The following UNC5C variants were observed in gnomAD, a reference collection of about 807,000 sequenced individuals.
The protein encoded by UNC5C is unc-5 netrin receptor C.
UNC5C carries 47 observed loss-of-function variants against 99.8 expected under a neutral mutation model. That is an observed-to-expected ratio of 0.47 (90% CI 0.37 to 0.60). The LOEUF is 0.60. Ranked by LOEUF, UNC5C falls within the 20% of genes least tolerant of loss-of-function variation. UNC5C has a pLI of 0.00. For missense variants in UNC5C, 1,062 were observed against 1,165.9 expected, an observed-to-expected ratio of 0.91 and a Z score of 1.30; for synonymous variants, 487 against 452.2, an observed-to-expected ratio of 1.08 and a Z score of -0.98.
chr4:95,286,708 T>C (rs1411798664), intron 3 of UNC5C, among the ~76,000 whole-genome samples: 3 of 152,200 alleles, frequency 2.0e-5, no homozygotes, highest in Non-Finnish European at 4.4e-5. Flanking sequence ...CTTTTGTTTC[T>C]AACTTTTAAT....
chr4:95,179,724 G>A (rs1443723774), intron 14 of UNC5C, among the ~76,000 whole-genome samples: 2 of 134,416 alleles, frequency 1.5e-5, no homozygotes, highest in African/African-American at 5.3e-5. Context: ...TCCAGCCTGG[G>A]CCACAGAGCA....
intron 15 of UNC5C, among the ~76,000 whole-genome samples, chr4:95,169,630 A>G (rs570995784): frequency 6.6e-6 from 1 of 152,278 alleles, no homozygotes; most frequent in South Asian, 2.1e-4. Flanking sequence ...AAGAGACAAG[A>G]TGTCTATGGG....
At chr4:95,190,380 A>G (rs913084320) in intron 12 of UNC5C, among the ~76,000 whole-genome samples, 20 of 152,278 alleles carry the variant, frequency 1.3e-4, no homozygotes, top group African/African-American at 4.6e-4. Flanking sequence ...TAGGAGATAT[A>G]CCTAATGTAA....
chr4:95,472,858 T>G (rs538762864), intron 1 of UNC5C, among the ~76,000 whole-genome samples: 6 of 152,172 alleles, frequency 3.9e-5, no homozygotes, highest in Admixed American at 3.9e-4. Context: ...ATCTGTCTCA[T>G]TAATGTAATT....
chr4:95,406,574 T>C (rs1745837581), intron 1 of UNC5C, among the ~76,000 whole-genome samples: 1 of 152,172 alleles, frequency 6.6e-6, no homozygotes, highest in Admixed American at 6.5e-5. Context: ...AATTTATCAG[T>C]ACATGGCAAA....
chr4:95,448,221 T>TGAGAGAGAGAGAGAGA (rs1284671236), intron 1 of UNC5C, among the ~76,000 whole-genome samples: 16 of 111,338 alleles, frequency 1.4e-4, no homozygotes, highest in Admixed American at 5.2e-4. Flanking sequence ...TGTGTGTGTG[T>TGAGAGAGAGAGAGAGA]GTGTGTGAGA....
chr4:95,487,105 C>T (rs894693360), intron 1 of UNC5C, among the ~76,000 whole-genome samples: 1 of 151,654 alleles, frequency 6.6e-6, no homozygotes, highest in Non-Finnish European at 1.5e-5. Flanking sequence ...AACCATGAGG[C>T]AATAAATTCA....
At chr4:95,377,448 C>A (rs1007969202) in intron 1 of UNC5C, among the ~76,000 whole-genome samples, 12 of 152,032 alleles carry the variant, frequency 7.9e-5, no homozygotes, top group African/African-American at 2.9e-4. Context: ...GATAAAAATC[C>A]CTCTAATTGG....
At chr4:95,280,994 A>G (rs888544692) in intron 3 of UNC5C, among the ~76,000 whole-genome samples, 1 of 152,204 alleles carries the variant, frequency 6.6e-6, no homozygotes, top group African/African-American at 2.4e-5. Context: ...GCACTGAGAT[A>G]AAATTTGATG....
chr4:95,203,881 G>A (rs1284774493), intron 11 of UNC5C, among the ~76,000 whole-genome samples: 3 of 152,192 alleles, frequency 2.0e-5, no homozygotes, highest in Non-Finnish European at 4.4e-5. Flanking sequence ...TAGATCATGT[G>A]AGCAGTTGTT....
At chr4:95,512,982 C>T (rs766822273) in intron 1 of UNC5C, among the ~76,000 whole-genome samples, 10 of 152,018 alleles carry the variant, frequency 6.6e-5, no homozygotes, top group African/African-American at 9.7e-5. Flanking sequence ...CGTGCATTAC[C>T]GCCTGCAAAG....
At chr4:95,262,409 C>T (rs1257181939) in intron 4 of UNC5C, among the ~76,000 whole-genome samples, 1 of 152,124 alleles carries the variant, frequency 6.6e-6, no homozygotes. Context: ...AGAAGGTTCT[C>T]AGTATTTGAA....
rs561332954 is a variant in UNC5C at position 95,333,335 on chromosome 4, C to T, written c.346+2075G>A. On this transcript the variant is annotated intron_variant, in intron 2 of 15. Transcript: ENST00000453304. ...TGGAACCAACCCAAATGTCCAACAA[C>T]GATAGATTGGATTAAGAAAATGTGG... Among the ~76,000 whole-genome samples the T allele has an allele frequency of 1.1e-4, 17 of 151,968 alleles. No homozygotes were observed. In the South Asian group the frequency reaches 1.2e-3, roughly 11 times the overall value.
At chr4:95,222,767 C>T (rs1313860980) in intron 7 of UNC5C, among the ~76,000 whole-genome samples, 1 of 152,154 alleles carries the variant, frequency 6.6e-6, no homozygotes, top group Non-Finnish European at 1.5e-5. Flanking sequence ...CTGAGCTAAG[C>T]TGAGACCACC....
chr4:95,410,622 G>T (rs1411917954), intron 1 of UNC5C, among the ~76,000 whole-genome samples: 1 of 152,166 alleles, frequency 6.6e-6, no homozygotes, highest in Non-Finnish European at 1.5e-5. Flanking sequence ...TGTTAGTACT[G>T]GGGGAGAGTG....
chr4:95,258,743 A>ACTCTTTTTTTTTTTTTTTTTTTTT (rs1184674099), intron 4 of UNC5C, among the ~76,000 whole-genome samples: 1 of 85,868 alleles, frequency 1.2e-5, no homozygotes. Context: ...CGACCATCTT[A>ACTCTTTTTTTTTTTTTTTTTTTTT]TTCTTTTTTT....
chr4:95,231,594 A>G (rs1335790973), intron 7 of UNC5C, among the ~76,000 whole-genome samples: 1 of 152,124 alleles, frequency 6.6e-6, no homozygotes, highest in Non-Finnish European at 1.5e-5. Flanking sequence ...GTTACTTTAC[A>G]CTAAGCCAAA....
At chr4:95,339,048 A>C (rs1039029391) in intron 1 of UNC5C, among the ~76,000 whole-genome samples, 1 of 152,082 alleles carries the variant, frequency 6.6e-6, no homozygotes, top group African/African-American at 2.4e-5. Context: ...CACTTCATGG[A>C]AAGTCTGAAA....
At chr4:95,328,858 A>T (rs1421688634) in intron 2 of UNC5C, among the ~76,000 whole-genome samples, 2 of 152,186 alleles carry the variant, frequency 1.3e-5, no homozygotes, top group African/African-American at 4.8e-5. Context: ...ACTTCTACTC[A>T]CTGCTGCAGG....
Sources: gnomAD v4.1 joint callset for allele counts (sites outside exome capture counted in the v4.1 genomes callset) on GRCh38, gnomAD v4.1.1 for gene constraint, MANE v1.5 for transcripts, NCBI Gene and HGNC (gene_info 2026-07-23, HGNC 2026-07-21) for gene names.